TBXAS1: variants seen among roughly 807,000 people sequenced by gnomAD.
TBXAS1 encodes thromboxane-A synthase.
In TBXAS1, 48 loss-of-function variants were observed where a neutral mutation model predicts 60.7. The observed-to-expected ratio is 0.79, with a 90% CI of 0.63 to 1.01. The LOEUF (loss-of-function observed/expected upper bound fraction) is 1.01, where lower values mean the gene tolerates loss of function less well. Ranked by LOEUF, TBXAS1 falls within the 50% of genes least tolerant of loss-of-function variation. TBXAS1 has a pLI of 0.00. For synonymous variants in TBXAS1, 287 were observed against 269.7 expected (o/e 1.06, Z -0.63); for missense variants, 685 against 686.3 (o/e 1.00, Z 0.02).
rs191015593 is a variant in TBXAS1 at position 139,822,996 on chromosome 7, G to A, written c.-79-6316G>A. Among the ~76,000 whole-genome samples, 18 of 151,948 alleles carry A rather than the reference G, an allele frequency of 1.2e-4. No homozygotes were observed. The East Asian group carries it at 2.9e-3, about 25-fold the overall frequency. ...AAAGATGAACTTCTTGGTATGGCCC[G>A]CAGTGCCTTGCATATCTCCCCGTCC... is the stretch of plus-strand genomic sequence containing the variant. On this transcript the variant is annotated intron_variant, in intron 4 of 16. Transcript: ENST00000336425.
rs181597271 is a variant in TBXAS1, at chr7:139,873,787, T to C, written c.183+1459T>C. ...ACATTGGGTTTTCTCAGAAGCCAGA[T>C]GGCTTATTCTGCTAAGTCACGGGGA... On this transcript the variant is annotated intron_variant, in intron 2 of 12. Coordinates refer to ENST00000448866, the MANE Select transcript of TBXAS1 (RefSeq NM_001061.7). 3.9e-5 allele frequency among the ~76,000 whole-genome samples: 6 copies of C among 152,320 alleles called. No individual in the cohort carries two copies. In the South Asian group the frequency reaches 1.2e-3, roughly 32 times the overall value.
At chr7:139,822,523 C>T (rs1798326128) in intron 4 of TBXAS1, among the ~76,000 whole-genome samples, 1 of 152,152 alleles carries the variant, frequency 6.6e-6, no homozygotes. Flanking sequence ...TGGCCATCTC[C>T]CGAGCATCTT....
Position 139,820,221 on chromosome 7 carries a change from G to A in TBXAS1, c.-79-9091G>A, listed in dbSNP as rs1330056688. On this transcript the variant is annotated intron_variant, in intron 4 of 16. Transcript: ENST00000336425. ...TCTCCACTTTTGCAAGGAGAACTAC[G>A]TCTAGTCATCAACATGTAGCCGCAT... Among the ~76,000 whole-genome samples the A allele has an allele frequency of 3.3e-5, 5 of 152,188 alleles. No individual in the cohort carries two copies. The South Asian group carries it at 6.2e-4, about 19-fold the overall frequency.
rs566819786 is a variant in TBXAS1 at position 139,932,735 on chromosome 7, T to C, written c.334-3456T>C. 2.0e-5 allele frequency among the ~76,000 whole-genome samples: 3 copies of C among 152,302 alleles called. No homozygotes were observed. In the South Asian group the frequency reaches 6.2e-4, roughly 32 times the overall value. The stretch of plus-strand genomic sequence containing the variant: ...CCATCTGACTGCTCTTTTGAAATCA[T>C]CAATTTCCTCTTATTGTGGGACATC... On this transcript the variant is annotated intron_variant, in intron 4 of 12. Coordinates refer to ENST00000448866, the MANE Select transcript of TBXAS1 (RefSeq NM_001061.7).
At chr7:139,872,096 T>A (rs1801860397) in intron 1 of TBXAS1, 139 bp from the exon 2 acceptor site, 8 of 779,434 alleles carry the variant, frequency 1.0e-5, no homozygotes, top group East Asian at 2.9e-5. Flanking sequence ...CTCCAATTTT[T>A]TGGTTCTTAG....
chr7:139,835,544 A>G (rs1799002184), intron 1 of TBXAS1, among the ~76,000 whole-genome samples: 1 of 152,248 alleles, frequency 6.6e-6, no homozygotes, highest in Non-Finnish European at 1.5e-5. Flanking sequence ...ATGTGATAAT[A>G]GATGCAGAAA....
intron 4 of TBXAS1, among the ~76,000 whole-genome samples, chr7:139,803,438 G>T (rs1219198249): frequency 4.6e-5 from 7 of 152,168 alleles, no homozygotes; most frequent in African/African-American, 1.7e-4. Context: ...GAGCATGAAA[G>T]TTTGGAAAAT....
intron 9 of TBXAS1, among the ~76,000 whole-genome samples, chr7:139,996,685 A>G (rs1301383592): frequency 6.6e-6 from 1 of 152,210 alleles, no homozygotes; most frequent in Admixed American, 6.5e-5. Flanking sequence ...CTCCCCTGGT[A>G]GAGCTTCCTT....
At chr7:139,893,520 C>A (rs529639975) in intron 3 of TBXAS1, among the ~76,000 whole-genome samples, 2 of 152,314 alleles carry the variant, frequency 1.3e-5, no homozygotes, top group African/African-American at 4.8e-5. Context: ...GCATCAACAA[C>A]TTTGCCTTAT....
At chr7:139,902,345 T>C (rs1165626058) in intron 3 of TBXAS1, among the ~76,000 whole-genome samples, 2 of 152,140 alleles carry the variant, frequency 1.3e-5, no homozygotes, top group Non-Finnish European at 2.9e-5. Context: ...AAGAATGTTA[T>C]GTAAACAGAA....
chr7:139,980,728 T>G (rs1811901496), intron 9 of TBXAS1, among the ~76,000 whole-genome samples: 2 of 151,812 alleles, frequency 1.3e-5, no homozygotes. Context: ...AGGCCTCACC[T>G]GCCTTCCCCC....
intron 4 of TBXAS1, chr7:139,797,110 A>T (rs1797593110): frequency 6.6e-6 from 1 of 152,262 alleles, no homozygotes; most frequent in Non-Finnish European, 1.5e-5. Flanking sequence ...TTAAAATATA[A>T]TTAGCGAGTT....
chr7:139,992,430 G>T (rs1222222358), intron 9 of TBXAS1, among the ~76,000 whole-genome samples: 1 of 152,194 alleles, frequency 6.6e-6, no homozygotes, highest in East Asian at 1.9e-4. Flanking sequence ...CACTCTCTTG[G>T]GTCCAAAGGC....
intron 4 of TBXAS1, among the ~76,000 whole-genome samples, chr7:139,814,719 C>A (rs1178745721): frequency 6.6e-6 from 1 of 152,052 alleles, no homozygotes; most frequent in East Asian, 1.9e-4. Flanking sequence ...AAGCAGAGAC[C>A]AGGTACCTAG....
chr7:139,861,400 A>G (rs1800954675), intron 1 of TBXAS1, among the ~76,000 whole-genome samples: 1 of 143,458 alleles, frequency 7.0e-6, no homozygotes, highest in Non-Finnish European at 1.5e-5. Context: ...CACCTGGCTA[A>G]TTTTTTTTTC....
At chr7:139,792,685 T>TA (rs1255975976) in intron 4 of TBXAS1, among the ~76,000 whole-genome samples, 1 of 152,230 alleles carries the variant, frequency 6.6e-6, no homozygotes, top group Non-Finnish European at 1.5e-5. Context: ...TGTCTGCTTT[T>TA]ACTCATAGGA....
intron 3 of TBXAS1, among the ~76,000 whole-genome samples, chr7:139,909,194 G>T (rs903463275): frequency 1.4e-4 from 22 of 152,170 alleles, no homozygotes; most frequent in African/African-American, 5.3e-4. Context: ...TCAGCTTCTT[G>T]AATATGTAGG....
intron 9 of TBXAS1, among the ~76,000 whole-genome samples, chr7:139,985,911 G>A (rs992690039): frequency 4.6e-5 from 7 of 152,212 alleles, no homozygotes; most frequent in Non-Finnish European, 8.8e-5. Flanking sequence ...GCCTAGAACT[G>A]AGGTCCTGGT....
chr7:139,898,413 C>CTTTTTTTTTTTTTTTTTTTTT (rs71170921), intron 3 of TBXAS1, among the ~76,000 whole-genome samples: 2 of 82,222 alleles, frequency 2.4e-5, no homozygotes, highest in African/African-American at 9.8e-5. Context: ...ACGTGCATGG[C>CTTTTTTTTTTTTTTTTTTTTT]TTTTTTTTTT....
Sources: gnomAD v4.1 joint callset for allele counts (sites outside exome capture counted in the v4.1 genomes callset) on GRCh38, gnomAD v4.1.1 for gene constraint, MANE v1.5 for transcripts, NCBI Gene and HGNC (gene_info 2026-07-23, HGNC 2026-07-21) for gene names.